RAD18: variants seen among roughly 807,000 people sequenced by gnomAD.
The protein encoded by RAD18 is E3 ubiquitin-protein ligase RAD18.
Under a neutral mutation model 60.4 loss-of-function variants are expected in RAD18, and 47 were observed. That is an observed-to-expected ratio of 0.78 (90% CI 0.62 to 0.99). The LOEUF (loss-of-function observed/expected upper bound fraction) is 0.99. RAD18 is among the 50% of genes least tolerant of loss of function. The pLI, the probability that RAD18 is intolerant of heterozygous loss-of-function variation, is 0.00. For missense variants in RAD18, 640 were observed against 593.3 expected (o/e 1.08, Z -0.82); for synonymous variants, 225 against 195.5 (o/e 1.15, Z -1.26).
In RAD18 at chr3:8,936,944, T is replaced by C. The variant is rs1553679; in HGVS notation, c.705-889A>G. Among the ~76,000 whole-genome samples the C allele has an allele frequency of 5.5e-3, 835 of 152,310 alleles. 22 individuals are homozygous for C. The highest frequency in any genetic ancestry group is 0.044 in the Admixed American group (666 of 15,298). ...AACAGAGAAATATTACAGTCAGGTA[T>C]AGACTGAAAACAATCAAAAATTTCT... On this transcript the variant is annotated intron_variant, in intron 6 of 12. Transcript: ENST00000264926.
chr3:8,893,693 ATTTTTTTTTTT>A (rs71049754), intron 11 of RAD18, among the ~76,000 whole-genome samples: 1 of 104,774 alleles, frequency 9.5e-6, no homozygotes, highest in African/African-American at 3.2e-5. Flanking sequence ...AGCTTTTTTA[ATTTTTTTTTTT>A]TTTTTTTTTT....
intron 6 of RAD18, among the ~76,000 whole-genome samples, chr3:8,936,435 A>G (rs1200671761): frequency 1.3e-5 from 2 of 152,224 alleles, no homozygotes; most frequent in Non-Finnish European, 2.9e-5. Flanking sequence ...AAAGCATGCT[A>G]GAAATTCTAG....
intron 2 of RAD18, among the ~76,000 whole-genome samples, chr3:8,957,343 G>A (rs1490875074): frequency 6.6e-6 from 1 of 151,992 alleles, no homozygotes; most frequent in African/African-American, 2.4e-5. Context: ...ACATGGAAAT[G>A]CATTTAAAAT....
At position 8,877,777 on chromosome 3, in the gene RAD18, G is replaced by A. The variant is rs143828813; in HGVS notation, c.*3580C>T. 6.6e-6 allele frequency: 1 copy of A among 151,824 alleles called. No homozygotes were observed. The highest frequency in any genetic ancestry group is 1.9e-4 in the East Asian group (1 of 5,156). The allele number at this position is 151,824 out of a possible 1,614,324, so 9.4% of individuals were successfully genotyped here. ...CATATAGTCCTAATAGTTGAAGGAAGGAAGGACAGGAAGAGTGGAAAGGAA... is the reference window on the plus strand; with the variant it reads ...CATATAGTCCTAATAGTTGAAGGAAAGAAGGACAGGAAGAGTGGAAAGGAA... On this transcript the variant is annotated 3_prime_UTR_variant, in exon 13 of 13. Coordinates refer to ENST00000264926, the MANE Select transcript of RAD18 (RefSeq NM_020165.4).
At chr3:8,960,194 C>T (rs1279755502) in intron 1 of RAD18, among the ~76,000 whole-genome samples, 1 of 152,130 alleles carries the variant, frequency 6.6e-6, no homozygotes, top group East Asian at 1.9e-4. Flanking sequence ...GTAGTCCCAG[C>T]TACTCAGGAG....
chr3:8,945,562 C>A (rs950215995), intron 4 of RAD18, among the ~76,000 whole-genome samples: 1 of 142,428 alleles, frequency 7.0e-6, no homozygotes, highest in African/African-American at 2.5e-5. Flanking sequence ...ACCTCCAACT[C>A]CCTGGTTCAA....
intron 9 of RAD18, among the ~76,000 whole-genome samples, chr3:8,908,285 CTTTTCT>C (rs1483000939): frequency 7.9e-5 from 11 of 139,600 alleles, no homozygotes; most frequent in Admixed American, 6.5e-4. Context: ...TTTTTTTTTT[CTTTTCT>C]AAGTGAGAGA....
rs746255550 is a variant in RAD18 at position 8,899,052 on chromosome 3, G to T, written c.1169-5C>A. On this transcript the variant is annotated splice_polypyrimidine_tract_variant and splice_region_variant and intron_variant, in intron 10 of 12. Coordinates refer to ENST00000264926, the MANE Select transcript of RAD18 (RefSeq NM_020165.4). The stretch of plus-strand genomic sequence containing the variant: ...AGGTCATATTATCTTCCTGTCCTAG[G>T]AAAAAATAAATTTAAGAGTACCTTA... The T allele has an allele frequency of 4.9e-5, 76 of 1,563,816 alleles. 1 individual carries two copies. The Middle Eastern group carries it at 3.1e-3, about 63-fold the overall frequency.
intron 1 of RAD18, among the ~76,000 whole-genome samples, chr3:8,960,495 G>T (rs1476319952): frequency 6.6e-6 from 1 of 152,006 alleles, no homozygotes; most frequent in African/African-American, 2.4e-5. Flanking sequence ...AAACAAAAAA[G>T]GACTAATGTC....
chr3:8,906,628 G>T (rs915390147), intron 9 of RAD18, among the ~76,000 whole-genome samples: 1 of 152,024 alleles, frequency 6.6e-6, no homozygotes, highest in East Asian at 1.9e-4. Flanking sequence ...CTATCTCAGA[G>T]ATCACAGTCC....
intron 7 of RAD18, among the ~76,000 whole-genome samples, chr3:8,921,892 G>C (rs935038253): frequency 6.6e-5 from 10 of 152,080 alleles, no homozygotes; most frequent in African/African-American, 1.9e-4. Flanking sequence ...AGGTATTATA[G>C]AGTGTTTAAA....
intron 11 of RAD18, among the ~76,000 whole-genome samples, chr3:8,896,333 G>C (rs1008854742): frequency 8.5e-5 from 13 of 152,204 alleles, no homozygotes; most frequent in African/African-American, 3.1e-4. Context: ...AAACAGTGGA[G>C]TGGGGAAACT....
intron 11 of RAD18, among the ~76,000 whole-genome samples, chr3:8,891,923 C>T (rs1328391741): frequency 6.6e-6 from 1 of 152,192 alleles, no homozygotes; most frequent in Non-Finnish European, 1.5e-5. Context: ...AACCACATTC[C>T]TAAAATTAAA....
intron 9 of RAD18, among the ~76,000 whole-genome samples, chr3:8,910,414 C>T (rs1940086745): frequency 6.6e-6 from 1 of 152,034 alleles, no homozygotes; most frequent in African/African-American, 2.4e-5. Flanking sequence ...TCCTGGCTAA[C>T]ACGGTGAAAC....
intron 8 of RAD18, among the ~76,000 whole-genome samples, chr3:8,912,906 T>A (rs1181418863): frequency 1.3e-5 from 2 of 152,180 alleles, no homozygotes; most frequent in African/African-American, 4.8e-5. Context: ...GCAGTTCCCA[T>A]CTTACAGTTA....
At chr3:8,922,438 C>G (rs1043882235) in intron 7 of RAD18, among the ~76,000 whole-genome samples, 1 of 152,200 alleles carries the variant, frequency 6.6e-6, no homozygotes, top group Non-Finnish European at 1.5e-5. Flanking sequence ...CTGGGTGGAG[C>G]CCACCACAGC....
At chr3:8,946,995 G>A (rs45537039) in intron 4 of RAD18, 35,749 of 416,780 alleles carry the variant, frequency 0.086, 1,745 homozygotes, top group South Asian at 0.13. Context: ...TCAAATCTGC[G>A]TTTTAACTCT....
At chr3:8,912,009 C>T (rs1392376690) in intron 9 of RAD18, among the ~76,000 whole-genome samples, 1 of 152,058 alleles carries the variant, frequency 6.6e-6, no homozygotes, top group Non-Finnish European at 1.5e-5. Flanking sequence ...GGATAGAGTC[C>T]CGAATGTTTC....
Position 8,939,577 on chromosome 3 carries a change from T to C in RAD18, c.681A>G (p.Glu227=). ...NKHLDSCLSR[E]EKKESLRSSV... is the part of the protein sequence containing the mutation. ...ACCTTCTGAGGCTTTCCTTCTTCTC[T>C]TCGCGTGATAAACAGCTGTCTAAAT... The change falls in exon 6 of 13, where the codon GAA becomes GAG. Residue 227 remains glutamate, a synonymous_variant. Coordinates refer to ENST00000264926, the MANE Select transcript of RAD18 (RefSeq NM_020165.4). The C allele has an allele frequency of 1.2e-6, 2 of 1,613,066 alleles. No individual in the cohort carries two copies. Among genetic ancestry groups the C allele is most frequent in the Non-Finnish European group, 8.5e-7 (1 of 1,179,218 alleles).
Sources: allele counts gnomAD v4.1 joint callset (sites outside exome capture counted in the v4.1 genomes callset), GRCh38; gene constraint gnomAD v4.1.1; transcripts MANE v1.5; gene names NCBI Gene and HGNC (gene_info 2026-07-23, HGNC 2026-07-21).